MYO5B: variants seen among roughly 807,000 people sequenced by gnomAD.
The protein encoded by MYO5B is myosin VB.
A neutral mutation model predicts 229.3 loss-of-function variants in MYO5B; 143 were observed. The observed-to-expected ratio is 0.62, with a 90% CI of 0.54 to 0.72. The LOEUF (loss-of-function observed/expected upper bound fraction) is 0.72, where lower values mean the gene tolerates loss of function less well. Among genes scored for constraint, MYO5B ranks in the 30% least tolerant of loss-of-function variants. The pLI, the probability that MYO5B is intolerant of heterozygous loss-of-function variation, is 0.00. For synonymous variants in MYO5B, 918 were observed against 885.2 expected (o/e 1.04, Z -0.66); for missense variants, 2,321 against 2,331.0 (o/e 1.00, Z 0.09).
At chr18:49,852,426 A>G (rs2024212126) in intron 31 of MYO5B, among the ~76,000 whole-genome samples, 1 of 152,172 alleles carries the variant, frequency 6.6e-6, no homozygotes, top group African/African-American at 2.4e-5. Flanking sequence ...AGACAAAGAG[A>G]GGGAGAGAGA....
chr18:49,881,115 T>A (rs1428048506), intron 22 of MYO5B, among the ~76,000 whole-genome samples: 1 of 152,230 alleles, frequency 6.6e-6, no homozygotes, highest in Non-Finnish European at 1.5e-5. Flanking sequence ...CCAAATATAC[T>A]CTTTTGTCTT....
chr18:50,074,675 A>C (rs774548853), intron 1 of MYO5B, among the ~76,000 whole-genome samples: 5 of 152,116 alleles, frequency 3.3e-5, no homozygotes, highest in Non-Finnish European at 7.4e-5. Context: ...TTTCCCGACC[A>C]ACTAATGTAA....
At chr18:49,889,662 C>A (rs577842918) in intron 22 of MYO5B, among the ~76,000 whole-genome samples, 1 of 152,208 alleles carries the variant, frequency 6.6e-6, no homozygotes, top group Admixed American at 6.5e-5. Flanking sequence ...CAAGACCCCT[C>A]GCCATCCTTT....
intron 2 of MYO5B, among the ~76,000 whole-genome samples, chr18:50,043,518 A>G (rs2030121168): frequency 1.0e-5 from 1 of 96,254 alleles, no homozygotes; most frequent in Non-Finnish European, 2.1e-5. Flanking sequence ...TATATTTATA[A>G]GTATATAAAT....
chr18:49,902,225 C>A (rs1007328075), intron 21 of MYO5B, among the ~76,000 whole-genome samples: 8 of 152,286 alleles, frequency 5.3e-5, no homozygotes, highest in Admixed American at 3.3e-4. Flanking sequence ...CTGCATCCCT[C>A]CCACCTCTGA....
chr18:50,111,765 C>T (rs1475767375), intron 1 of MYO5B, among the ~76,000 whole-genome samples: 3 of 152,204 alleles, frequency 2.0e-5, no homozygotes, highest in Non-Finnish European at 4.4e-5. Flanking sequence ...ACTAACTGAA[C>T]ATTGGGACTG....
intron 9 of MYO5B, among the ~76,000 whole-genome samples, 183 bp from the exon 10 acceptor site, chr18:49,974,798 G>GACACAGACACACACACACACACACAC (rs2025730759): frequency 4.6e-5 from 6 of 130,996 alleles, no homozygotes; most frequent in African/African-American, 1.7e-4. Context: ...CACACACACA[G>GACACAGACACACACACACACACACAC]ACACACACAC....
intron 22 of MYO5B, among the ~76,000 whole-genome samples, chr18:49,888,269 CA>C (rs1223885173): frequency 1.3e-5 from 2 of 152,200 alleles, no homozygotes; most frequent in Non-Finnish European, 2.9e-5. Context: ...ACCCTCCTCT[CA>C]CCTTCAATTT....
chr18:49,830,829 C>CAAAAAAA (rs59785909), intron 39 of MYO5B, among the ~76,000 whole-genome samples: 1 of 72,948 alleles, frequency 1.4e-5, no homozygotes, highest in African/African-American at 5.7e-5. Context: ...GACTCTGTCT[C>CAAAAAAA]AAAAAAAAAA....
intron 4 of MYO5B, among the ~76,000 whole-genome samples, chr18:50,014,837 G>A (rs778112647): frequency 9.2e-5 from 14 of 152,202 alleles, no homozygotes; most frequent in Non-Finnish European, 1.3e-4. Context: ...GCTCCCTTGC[G>A]TAAAATGTTA....
At chr18:49,963,210 G>A (rs2025581299) in intron 10 of MYO5B, among the ~76,000 whole-genome samples, 180 bp from the exon 11 acceptor site, 2 of 151,986 alleles carry the variant, frequency 1.3e-5, no homozygotes, top group Admixed American at 1.3e-4. Context: ...CCTAATTGAA[G>A]AACATGTCTA....
chr18:49,864,191 T>C lies in MYO5B; in HGVS notation c.3793A>G (p.Arg1265Gly), dbSNP rs1320030351. 10 of 1,613,054 alleles carry C rather than the reference T, an allele frequency of 6.2e-6. No homozygotes were observed. The Admixed American group carries it at 1.3e-4, about 22-fold the overall frequency. ...EVRKEEVLIL[R>G]TQIVSADQRR... Reference sequence around the variant, plus strand: ...TGGTCGGCGCTCACGATCTGGGTCCTGAGGATGAGCACCTCCTCCTTGCGC... The same window carrying C: ...TGGTCGGCGCTCACGATCTGGGTCCCGAGGATGAGCACCTCCTCCTTGCGC... The change falls in exon 28 of 40, where the codon AGG becomes GGG. Residue 1265 changes from arginine (R) to glycine (G), a missense_variant. This residue lies in a region of MYO5B where 2,113 missense variants were observed against 2,044.7 expected (regional missense o/e 1.03). Coordinates refer to ENST00000285039, the MANE Select transcript of MYO5B (RefSeq NM_001080467.3).
intron 39 of MYO5B, among the ~76,000 whole-genome samples, chr18:49,827,159 G>T (rs907019376): frequency 2.1e-4 from 32 of 152,222 alleles, no homozygotes; most frequent in African/African-American, 7.5e-4. Flanking sequence ...CATAACTCTG[G>T]AACTTGATTG....
chr18:50,191,358 T>G (rs1568139456), intron 1 of MYO5B, among the ~76,000 whole-genome samples: 1 of 152,194 alleles, frequency 6.6e-6, no homozygotes, highest in East Asian at 1.9e-4. Flanking sequence ...AGAACTCTAA[T>G]ATTTGTTTGG....
intron 25 of MYO5B, chr18:49,876,285 G>A (rs918679709): frequency 7.2e-6 from 2 of 276,324 alleles, no homozygotes; most frequent in African/African-American, 2.2e-5. Flanking sequence ...TCTTGAAATG[G>A]AATCAATGCT....
intron 1 of MYO5B, among the ~76,000 whole-genome samples, chr18:50,165,254 A>C (rs1010057432): frequency 5.3e-5 from 8 of 151,868 alleles, no homozygotes; most frequent in Admixed American, 2.0e-4. Flanking sequence ...TGGCTGAGGC[A>C]GGAGGATCAC....
At chr18:49,928,097 AAAG>A (rs746953159) in intron 17 of MYO5B, among the ~76,000 whole-genome samples, 2 of 152,230 alleles carry the variant, frequency 1.3e-5, no homozygotes, top group African/African-American at 2.4e-5. Context: ...ATAATTCCCA[AAAG>A]AAGATATACA....
intron 9 of MYO5B, among the ~76,000 whole-genome samples, chr18:49,978,694 TACACACACACACACACACAC>T (rs10527520): frequency 0.01 from 1,415 of 139,206 alleles, 34 homozygotes; most frequent in African/African-American, 0.036. Flanking sequence ...CAGCAAGTAA[TACACACACACACACACACAC>T]ACACACACAC....
At chr18:50,118,786 G>A (rs1224539578) in intron 1 of MYO5B, among the ~76,000 whole-genome samples, 2 of 152,074 alleles carry the variant, frequency 1.3e-5, no homozygotes, top group Non-Finnish European at 2.9e-5. Flanking sequence ...CACTATGCCT[G>A]GCTAATTTTT....
Sources: gnomAD v4.1 joint callset for allele counts (sites outside exome capture counted in the v4.1 genomes callset) on GRCh38, gnomAD v4.1.1 for gene constraint, gnomAD v4.1.1 regional missense constraint, MANE v1.5 for transcripts, NCBI Gene and HGNC (gene_info 2026-07-23, HGNC 2026-07-21) for gene names.